The following PTPRD variants were observed in gnomAD, a reference collection of about 807,000 sequenced individuals.
The protein encoded by PTPRD is protein tyrosine phosphatase receptor type D.
In PTPRD, 34 loss-of-function variants were observed where a neutral mutation model predicts 214.5. The ratio of observed to expected loss-of-function variants is 0.16; its 90% CI spans 0.12 to 0.21. The LOEUF is 0.21. Among genes scored for constraint, PTPRD ranks in the 10% least tolerant of loss-of-function variants. PTPRD has a pLI of 1.00. For missense variants in PTPRD, 2,545 were observed against 2,398.7 expected, an observed-to-expected ratio of 1.06 and a Z score of -1.27; for synonymous variants, 1,128 against 845.7, an observed-to-expected ratio of 1.33 and a Z score of -5.79.
chr9:9,610,520 G>C (rs2094459815), intron 7 of PTPRD, among the ~76,000 whole-genome samples: 1 of 152,056 alleles, frequency 6.6e-6, no homozygotes, highest in Non-Finnish European at 1.5e-5. Flanking sequence ...TATTTTCATT[G>C]AATTTTTTTA....
intron 10 of PTPRD, among the ~76,000 whole-genome samples, chr9:9,080,738 G>T (rs1431989331): frequency 6.6e-6 from 1 of 152,078 alleles, no homozygotes; most frequent in African/African-American, 2.4e-5. Flanking sequence ...GGGTGTATGT[G>T]TTCAGGAATT....
intron 2 of PTPRD, among the ~76,000 whole-genome samples, chr9:10,467,583 T>G (rs1471089762): frequency 1.3e-5 from 2 of 152,156 alleles, no homozygotes; most frequent in Non-Finnish European, 2.9e-5. Context: ...TATAAACGTG[T>G]GTGTACATGT....
At chr9:10,574,461 G>C (rs1316620727) in intron 2 of PTPRD, among the ~76,000 whole-genome samples, 2 of 151,910 alleles carry the variant, frequency 1.3e-5, no homozygotes, top group East Asian at 3.9e-4. Context: ...TGTGACTATA[G>C]AGAAGTACAC....
chr9:10,484,474 T>C (rs1449005873), intron 2 of PTPRD, among the ~76,000 whole-genome samples: 1 of 152,018 alleles, frequency 6.6e-6, no homozygotes. Context: ...CTGTTTTCCA[T>C]AGTAGTTGTA....
At chr9:8,361,895 T>A (rs1193066281) in intron 39 of PTPRD, among the ~76,000 whole-genome samples, 4 of 152,184 alleles carry the variant, frequency 2.6e-5, no homozygotes, top group African/African-American at 9.7e-5. Flanking sequence ...ACAAAGAGGA[T>A]CGTGTTCAGA....
In PTPRD at chr9:9,958,821, G is replaced by A. The variant is rs564607609; in HGVS notation, c.-471-20211C>T. On this transcript the variant is annotated intron_variant, in intron 4 of 45. Coordinates refer to ENST00000381196, the MANE Select transcript of PTPRD (RefSeq NM_002839.4). Reference sequence around the variant, plus strand: ...ATATCATAAAACCTCACACCTATTAGACACTACTATACCTATTAGAAGGGT... The same window carrying A: ...ATATCATAAAACCTCACACCTATTAAACACTACTATACCTATTAGAAGGGT... 1.5e-3 allele frequency among the ~76,000 whole-genome samples: 233 copies of A among 152,220 alleles called. 1 individual carries two copies. The highest frequency in any genetic ancestry group is 4.4e-3 in the African/African-American group (184 of 41,546).
intron 7 of PTPRD, among the ~76,000 whole-genome samples, chr9:9,593,470 A>G (rs894010257): frequency 1.3e-5 from 2 of 152,058 alleles, no homozygotes; most frequent in African/African-American, 4.8e-5. Context: ...CTCGGATTTT[A>G]TAGCCTATAG....
chr9:9,772,824 T>C (rs1234182846), intron 5 of PTPRD, among the ~76,000 whole-genome samples: 2 of 152,260 alleles, frequency 1.3e-5, no homozygotes, highest in African/African-American at 4.8e-5. Flanking sequence ...TGCATCAAAG[T>C]CTTAAAAAAT....
chr9:8,877,339 T>C (rs567228373), intron 11 of PTPRD, among the ~76,000 whole-genome samples: 10 of 152,340 alleles, frequency 6.6e-5, no homozygotes, highest in African/African-American at 2.4e-4. Context: ...GTCAAATTAA[T>C]AGTTTATTAA....
chr9:8,561,039 C>G (rs948233006), intron 14 of PTPRD, among the ~76,000 whole-genome samples: 5 of 151,978 alleles, frequency 3.3e-5, no homozygotes, highest in African/African-American at 1.2e-4. Flanking sequence ...AAACTGAAGA[C>G]AGTTTAAAGC....
intron 11 of PTPRD, among the ~76,000 whole-genome samples, chr9:8,911,113 A>T (rs540724492): frequency 6.6e-6 from 1 of 152,206 alleles, no homozygotes; most frequent in Non-Finnish European, 1.5e-5. Context: ...GTTTTTGTAC[A>T]ATTTTAAAAT....
At chr9:9,365,210 G>A (rs879285104) in intron 9 of PTPRD, among the ~76,000 whole-genome samples, 13 of 151,502 alleles carry the variant, frequency 8.6e-5, no homozygotes, top group Non-Finnish European at 1.8e-4. Flanking sequence ...CAGGGAAGTT[G>A]CCACTTAGCT....
At chr9:9,759,353 G>A (rs138282822) in intron 6 of PTPRD, among the ~76,000 whole-genome samples, 29 of 152,164 alleles carry the variant, frequency 1.9e-4, no homozygotes, top group Middle Eastern at 3.4e-3. Context: ...AGTCTTGGTC[G>A]CTCCTCAAGA....
chr9:9,788,455 G>T (rs1178837175), intron 5 of PTPRD, among the ~76,000 whole-genome samples: 2 of 151,270 alleles, frequency 1.3e-5, no homozygotes, highest in Non-Finnish European at 2.9e-5. Context: ...GGGAGGCTGA[G>T]GCAGGAGAAT....
chr9:8,726,202 T>C (rs1055237545), intron 12 of PTPRD, among the ~76,000 whole-genome samples: 2 of 152,116 alleles, frequency 1.3e-5, no homozygotes, highest in African/African-American at 2.4e-5. Flanking sequence ...CACTTCATGA[T>C]AGAGGCTGGC....
chr9:8,601,036 G>A (rs996403782), intron 14 of PTPRD, among the ~76,000 whole-genome samples: 1 of 152,220 alleles, frequency 6.6e-6, no homozygotes, highest in East Asian at 1.9e-4. Context: ...TGAAGGGTGA[G>A]TCCCAGTCCT....
intron 2 of PTPRD, among the ~76,000 whole-genome samples, chr9:10,467,504 A>C (rs1013455215): frequency 6.6e-6 from 1 of 152,088 alleles, no homozygotes; most frequent in Non-Finnish European, 1.5e-5. Context: ...TTTAATAGAC[A>C]CTCCTTCATC....
intron 2 of PTPRD, among the ~76,000 whole-genome samples, chr9:10,404,235 G>T (rs1250522280): frequency 1.3e-5 from 2 of 151,676 alleles, no homozygotes; most frequent in Non-Finnish European, 2.9e-5. Flanking sequence ...TCTCAACCAG[G>T]GGTGGTGGAA....
chr9:9,969,442 A>G (rs1199968206), intron 4 of PTPRD, among the ~76,000 whole-genome samples: 1 of 152,158 alleles, frequency 6.6e-6, no homozygotes, highest in Non-Finnish European at 1.5e-5. Flanking sequence ...TGTGACAGGA[A>G]TTGATTTCAT....
Sources: gnomAD v4.1 joint callset for allele counts (sites outside exome capture counted in the v4.1 genomes callset) on GRCh38, gnomAD v4.1.1 for gene constraint, MANE v1.5 for transcripts, NCBI Gene and HGNC (gene_info 2026-07-23, HGNC 2026-07-21) for gene names.